The following INVS variants were observed in gnomAD, a reference collection of about 807,000 sequenced individuals.
INVS encodes the protein inversin.
INVS carries 86 observed loss-of-function variants against 108.8 expected under a neutral mutation model. That is an observed-to-expected ratio of 0.79 (90% confidence interval 0.66 to 0.95). The LOEUF is 0.95. INVS is among the 40% of genes least tolerant of loss of function. The pLI, the probability that INVS is intolerant of heterozygous loss-of-function variation, is 0.00. For synonymous variants in INVS, 455 were observed against 473.5 expected (o/e 0.96, Z 0.51); for missense variants, 1,169 against 1,297.4 (o/e 0.90, Z 1.52).
chr9:100,140,657 AT>A (rs999946729), intron 3 of INVS, among the ~76,000 whole-genome samples: 1 of 152,090 alleles, frequency 6.6e-6, no homozygotes, highest in Non-Finnish European at 1.5e-5. Flanking sequence ...GACAGCGAAA[AT>A]TTTGGGGGAT....
intron 14 of INVS, among the ~76,000 whole-genome samples, chr9:100,295,725 T>C (rs1291788932): frequency 4.6e-5 from 7 of 152,148 alleles, no homozygotes; most frequent in African/African-American, 7.2e-5. Context: ...ATTTTAAAGA[T>C]TGAAACAGGA....
At chr9:100,293,065 G>A (rs752924345) in intron 14 of INVS, 22 bp downstream of exon 14, 23 of 1,583,200 alleles carry the variant, frequency 1.5e-5, no homozygotes, top group Non-Finnish European at 1.8e-5. Context: ...GGGTGCTGCC[G>A]CATCTGTGGT....
intron 14 of INVS, among the ~76,000 whole-genome samples, chr9:100,296,137 G>A (rs1339218605): frequency 2.0e-5 from 3 of 152,144 alleles, no homozygotes; most frequent in Admixed American, 6.5e-5. Flanking sequence ...AATCAGACAT[G>A]AAGCCTGTTG....
Position 100,222,293 on chromosome 9 carries a change from A to G in INVS, c.274-3769A>G, listed in dbSNP as rs568418138. On this transcript the variant is annotated intron_variant, in intron 3 of 16. Transcript: ENST00000262457. ...TTACAAATATCATTTGTCTCATTTC[A>G]TATGCATAATAACTTCAGGTACCAT... is the stretch of plus-strand genomic sequence containing the variant. 8.5e-4 allele frequency among the ~76,000 whole-genome samples: 129 copies of G among 152,296 alleles called. 1 individual carries two copies. The highest frequency in any genetic ancestry group is 2.1e-3 in the East Asian group (11 of 5,186).
rs1352882142 is a variant in INVS at position 100,263,383 on chromosome 9, G to T, written c.1465-1439G>T. 2.6e-5 allele frequency among the ~76,000 whole-genome samples: 4 copies of T among 152,246 alleles called. No individual in the cohort carries two copies. In the East Asian group the frequency reaches 5.8e-4, roughly 22 times the overall value. ...CACCAGGACTGCTTTTCTTTTGGTGGATCTAGGAGAGGATCCATTTTTTTA... is the reference window on the plus strand; with the variant it reads ...CACCAGGACTGCTTTTCTTTTGGTGTATCTAGGAGAGGATCCATTTTTTTA... On this transcript the variant is annotated intron_variant, in intron 10 of 16. Transcript: ENST00000262457.
In INVS at chr9:100,257,386, T is replaced by C. The variant is rs377369482; in HGVS notation, c.1464+4250T>C. ...AATTTGCCAGTCTGTGTCTTTTAAT[T>C]GGAGCATTTAGCCCATTTACATTTA... On this transcript the variant is annotated intron_variant, in intron 10 of 16. Coordinates refer to ENST00000262457, the MANE Select transcript of INVS (RefSeq NM_014425.5). 1.0e-3 allele frequency among the ~76,000 whole-genome samples: 157 copies of C among 152,348 alleles called. 4 individuals carry two copies. The South Asian group carries it at 0.031, about 30-fold the overall frequency.
intron 3 of INVS, among the ~76,000 whole-genome samples, chr9:100,184,423 A>C (rs1008954837): frequency 6.6e-6 from 1 of 152,206 alleles, no homozygotes; most frequent in Non-Finnish European, 1.5e-5. Flanking sequence ...TACCTCACTG[A>C]AAAGCATTAG....
chr9:100,116,213 C>T (rs1766083959), intron 2 of INVS, among the ~76,000 whole-genome samples: 1 of 151,494 alleles, frequency 6.6e-6, no homozygotes, highest in Admixed American at 6.6e-5. Flanking sequence ...AAGTGATTCT[C>T]ATGCCTCAGC....
chr9:100,296,771 C>G, intron 14 of INVS, 146 bp from the exon 15 acceptor site: 1 of 686,564 alleles, frequency 1.5e-6, no homozygotes, highest in Non-Finnish European at 2.6e-6. Context: ...ATTCAACATG[C>G]TGCCGCCAAA....
chr9:100,101,015 TG>T (rs1826965494), intron 1 of INVS, among the ~76,000 whole-genome samples: 1 of 98,912 alleles, frequency 1.0e-5, no homozygotes, highest in Non-Finnish European at 1.9e-5. Flanking sequence ...ATATATTATA[TG>T]TATATATATT....
intron 11 of INVS, among the ~76,000 whole-genome samples, chr9:100,268,490 T>A (rs1469717687): frequency 6.6e-6 from 1 of 152,142 alleles, no homozygotes; most frequent in Non-Finnish European, 1.5e-5. Context: ...AGCCCCAGCC[T>A]CATTTTCGTA....
At chr9:100,103,430 C>T (rs1468444597) in intron 1 of INVS, among the ~76,000 whole-genome samples, 2 of 151,866 alleles carry the variant, frequency 1.3e-5, no homozygotes, top group African/African-American at 4.8e-5. Flanking sequence ...AGTTCGAGAC[C>T]AGCCTGGCCA....
chr9:100,161,615 A>C lies in INVS; in HGVS notation c.273+35066A>C, dbSNP rs541796816. 4.6e-5 allele frequency among the ~76,000 whole-genome samples: 7 copies of C among 151,624 alleles called. No homozygotes were observed. The South Asian group carries it at 1.5e-3, about 32-fold the overall frequency. On this transcript the variant is annotated intron_variant, in intron 3 of 16. Coordinates refer to ENST00000262457, the MANE Select transcript of INVS (RefSeq NM_014425.5). ...ATAATGCTGTTGAGTGGCTGGCCAGATGGATGGATGGATGGATGGATGGAT... is the reference window on the plus strand; with the variant it reads ...ATAATGCTGTTGAGTGGCTGGCCAGCTGGATGGATGGATGGATGGATGGAT...
At chr9:100,099,831 A>G (rs1220302522) in intron 1 of INVS, among the ~76,000 whole-genome samples, 1 of 152,106 alleles carries the variant, frequency 6.6e-6, no homozygotes, top group African/African-American at 2.4e-5. Context: ...GCAAACACTC[A>G]GTGAGGTCCA....
In INVS at chr9:100,167,225, CA is replaced by C. The variant is rs368190275; in HGVS notation, c.273+40689del. On this transcript the variant is annotated intron_variant, in intron 3 of 16. Transcript: ENST00000262457. ...TGGGTGGCAGAGGGAGACTCTATCTCAAAAAAAAAAAAAGATTTTCCATCTC... is the reference window on the plus strand; with the variant it reads ...TGGGTGGCAGAGGGAGACTCTATCTCAAAAAAAAAAAAGATTTTCCATCTC... Among the ~76,000 whole-genome samples the C allele has an allele frequency of 8.6e-3, 1,155 of 134,344 alleles. 9 individuals carry two copies. Among genetic ancestry groups the C allele is most frequent in the African/African-American group, 0.022 (824 of 36,738 alleles). 88.1% of individuals were successfully genotyped at this position (134,344 alleles called of 152,430 possible). A position where few individuals can be genotyped will look rare whatever the true frequency, so the allele number is the denominator to read the frequency against.
At chr9:100,176,848 C>T (rs564131127) in intron 3 of INVS, among the ~76,000 whole-genome samples, 10 of 152,190 alleles carry the variant, frequency 6.6e-5, no homozygotes, top group Admixed American at 4.6e-4. Context: ...TTCATCAGCC[C>T]CTTTGGCTCT....
chr9:100,167,094 G>T (rs566268933), intron 3 of INVS, among the ~76,000 whole-genome samples: 1 of 151,992 alleles, frequency 6.6e-6, no homozygotes, highest in African/African-American at 2.4e-5. Flanking sequence ...ACCCAGATAC[G>T]GTGGTGTGTG....
At chr9:100,195,089 A>G (rs527848534) in intron 3 of INVS, among the ~76,000 whole-genome samples, 11 of 152,336 alleles carry the variant, frequency 7.2e-5, no homozygotes, top group African/African-American at 2.4e-4. Flanking sequence ...TGCTACAGAT[A>G]AAGTCAAATA....
chr9:100,117,407 T>C, intron 2 of INVS: 1 of 785,668 alleles, frequency 1.3e-6, no homozygotes, highest in Non-Finnish European at 2.3e-6. Flanking sequence ...CTCCAGGGAC[T>C]TGATCTTCAT....
Sources: allele counts gnomAD v4.1 joint callset (sites outside exome capture counted in the v4.1 genomes callset), GRCh38; gene constraint gnomAD v4.1.1; transcripts MANE v1.5; gene names NCBI Gene and HGNC (gene_info 2026-07-23, HGNC 2026-07-21).